MN1: variants seen among roughly 807,000 people sequenced by gnomAD.
MN1 encodes the protein MN1 proto-oncogene, transcriptional regulator, also known as transcriptional activator MN1.
A neutral mutation model predicts 86.9 loss-of-function variants in MN1; 19 were observed. That is an observed-to-expected ratio of 0.22 (90% CI 0.15 to 0.32). The LOEUF is 0.32. MN1 is among the 10% of genes least tolerant of loss of function. The probability of loss-of-function intolerance (pLI) is 1.00; values close to 1 mark genes in which losing one functional copy is unlikely to be tolerated. For synonymous variants in MN1, 928 were observed against 849.6 expected (o/e 1.09, Z -1.60); for missense variants, 1,841 against 1,862.0 (o/e 0.99, Z 0.21).
intron 1 of MN1, among the ~76,000 whole-genome samples, chr22:27,773,946 G>A (rs1484143510): frequency 6.6e-6 from 1 of 152,068 alleles, no homozygotes; most frequent in African/African-American, 2.4e-5. Context: ...GAGCCACCGC[G>A]CCCGGCCTTG....
chr22:27,798,559 C>T lies in MN1; in HGVS notation c.1985G>A (p.Ser662Asn). The change falls in exon 1 of 2, where the codon AGC (serine) becomes AAC (asparagine). Residue 662 changes from serine to asparagine, a missense_variant. Transcript: ENST00000302326. Reference sequence around the variant, plus strand: ...ACCAGGCGGAGGAGGGGGCGCCAGGCTGGGGTCGTGCGGGCCACAGTCAGC... The same window carrying T: ...ACCAGGCGGAGGAGGGGGCGCCAGGTTGGGGTCGTGCGGGCCACAGTCAGC... ...LPADCGPHDPSLAPPPPPGGS... is the reference protein window; with the variant it reads ...LPADCGPHDPNLAPPPPPGGS... 6.5e-7 allele frequency: 1 copy of T among 1,528,494 alleles called. No homozygotes were observed. Among genetic ancestry groups the T allele is most frequent in the Non-Finnish European group, 8.7e-7 (1 of 1,147,824 alleles). The allele number at this position is 1,528,494 out of a possible 1,614,324, so 94.7% of individuals were successfully genotyped here.
intron 1 of MN1, among the ~76,000 whole-genome samples, chr22:27,793,885 A>G (rs1015818573): frequency 2.0e-5 from 3 of 152,244 alleles, no homozygotes; most frequent in Non-Finnish European, 4.4e-5. Flanking sequence ...ATTGGAGCGA[A>G]GAATTTCAGA....
In MN1 at chr22:27,799,386, C is replaced by T. The variant is rs1259652005; in HGVS notation, c.1158G>A (p.Ala386=). The T allele has an allele frequency of 3.9e-6, 6 of 1,529,556 alleles. No homozygotes were observed. In the African/African-American group the frequency reaches 5.5e-5, roughly 14 times the overall value. The allele number at this position is 1,529,556 out of a possible 1,614,324, so 94.7% of individuals were successfully genotyped here. The change falls in exon 1 of 2, where the codon GCG becomes GCA. Residue 386 remains alanine (A), a synonymous_variant. Coordinates refer to ENST00000302326, the MANE Select transcript of MN1 (RefSeq NM_002430.3). ...CCTGCAGGCCGCCGCTGGGCGTGCC[C>T]GCCTCGCCCTGCTGGGGCCGAGGGA... is the stretch of plus-strand genomic sequence containing the variant. ...PALPRPQQGE[A]GTPSGGLQDG... is the part of the protein sequence containing the mutation.
chr22:27,799,556 A>G lies in MN1; in HGVS notation c.988T>C (p.Ser330Pro). Residue 330 changes from serine (S) to proline (P), a missense_variant, in exon 1 of 2, where the codon TCA becomes CCA. Transcript: ENST00000302326. ...ARKMPVGLEP[S>P]VGSRHPLMQP... is the part of the protein sequence containing the mutation. Reference sequence around the variant, plus strand: ...ATTAACGGGTGCCTGGAGCCCACTGAGGGCTCCAGACCCACAGGCATCTTT... The same window carrying G: ...ATTAACGGGTGCCTGGAGCCCACTGGGGGCTCCAGACCCACAGGCATCTTT... 1 of 1,469,850 alleles carries G rather than the reference A, an allele frequency of 6.8e-7. No homozygotes were observed. The highest frequency in any genetic ancestry group is 9.0e-7 in the Non-Finnish European group (1 of 1,108,858). The allele number at this position is 1,469,850 out of a possible 1,614,324, so 91.1% of individuals were successfully genotyped here. A position where few individuals can be genotyped will look rare whatever the true frequency, so the allele number is the denominator to read the frequency against.
At chr22:27,777,625 A>G (rs1932996311) in intron 1 of MN1, among the ~76,000 whole-genome samples, 1 of 151,942 alleles carries the variant, frequency 6.6e-6, no homozygotes, top group Non-Finnish European at 1.5e-5. Context: ...TTGGAAGGCC[A>G]AGGTGGGCAG....
At chr22:27,757,323 C>G (rs1278245869) in intron 1 of MN1, among the ~76,000 whole-genome samples, 1 of 152,236 alleles carries the variant, frequency 6.6e-6, no homozygotes, top group African/African-American at 2.4e-5. Context: ...GCGTGAGCCA[C>G]CGCACCCGGC....
intron 1 of MN1, among the ~76,000 whole-genome samples, chr22:27,788,836 G>A (rs932462219): frequency 2.6e-5 from 4 of 152,200 alleles, no homozygotes; most frequent in South Asian, 4.1e-4. Context: ...CAACTTTGAC[G>A]CAGAGAGATT....
chr22:27,790,553 C>A (rs1288244635), intron 1 of MN1, among the ~76,000 whole-genome samples: 1 of 152,230 alleles, frequency 6.6e-6, no homozygotes, highest in Non-Finnish European at 1.5e-5. Flanking sequence ...AGGGTCCCTG[C>A]AGGCAGGACC....
chr22:27,778,762 T>C (rs1019106495), intron 1 of MN1, among the ~76,000 whole-genome samples: 3 of 152,210 alleles, frequency 2.0e-5, no homozygotes, highest in Non-Finnish European at 2.9e-5. Context: ...AGGTGACTAA[T>C]GGAGGAAATG....
chr22:27,776,677 A>G (rs1461289395), intron 1 of MN1, among the ~76,000 whole-genome samples: 5 of 150,148 alleles, frequency 3.3e-5, no homozygotes, highest in Admixed American at 6.6e-5. Flanking sequence ...TTCCTCCCCT[A>G]GCCCCATCTC....
chr22:27,799,906 T>C lies in MN1; in HGVS notation c.638A>G (p.Asp213Gly). Reference protein sequence around the residue: ...FHGLPSSSGSDSHSLEPRRVT... With the variant: ...FHGLPSSSGSGSHSLEPRRVT... ...CCTCCGTGGCTCCAGACTGTGGGAA[T>C]CGGAGCCGCTGGAGGACGGCAGGCC... is the stretch of plus-strand genomic sequence containing the variant. The change falls in exon 1 of 2, where the codon GAT (aspartate) becomes GGT (glycine). Residue 213 changes from aspartate to glycine, a missense_variant. Physicochemically the swap from Asp to Gly is moderately conservative, Grantham distance 94. Transcript: ENST00000302326. 1 of 1,601,766 alleles carries C rather than the reference T, an allele frequency of 6.2e-7. No individual in the cohort carries two copies. The highest frequency in any genetic ancestry group is 8.5e-7 in the Non-Finnish European group (1 of 1,175,328).
In MN1 at chr22:27,775,162, T is replaced by C. The variant is rs756479233; in HGVS notation, c.3781+21601A>G. 1.3e-3 allele frequency among the ~76,000 whole-genome samples: 198 copies of C among 152,316 alleles called. 3 individuals carry two copies. Among genetic ancestry groups the C allele is most frequent in the Non-Finnish European group, 2.2e-4 (15 of 68,026 alleles). On this transcript the variant is annotated intron_variant, in intron 1 of 1. Transcript: ENST00000302326. ...TACCTCGCCCTCCTCATCTATAAAA[T>C]GGGTCCACAGCGGTAGCTGCTTCAC...
intron 1 of MN1, among the ~76,000 whole-genome samples, chr22:27,754,021 C>T (rs550541655): frequency 3.3e-5 from 5 of 152,214 alleles, no homozygotes; most frequent in Admixed American, 1.3e-4. Flanking sequence ...AAGGAATGAA[C>T]GTAGCAATGC....
At chr22:27,790,600 G>A (rs965910366) in intron 1 of MN1, among the ~76,000 whole-genome samples, 3 of 151,496 alleles carry the variant, frequency 2.0e-5, no homozygotes, top group South Asian at 2.1e-4. Context: ...TCTCCGCCAC[G>A]TCGTTGGTAC....
intron 1 of MN1, among the ~76,000 whole-genome samples, chr22:27,758,001 T>A (rs539738802): frequency 6.6e-6 from 1 of 151,974 alleles, no homozygotes; most frequent in Admixed American, 6.5e-5. Flanking sequence ...CTGGCCCACA[T>A]ACCAACCATC....
chr22:27,779,713 T>C (rs932829281), intron 1 of MN1, among the ~76,000 whole-genome samples: 1 of 152,000 alleles, frequency 6.6e-6, no homozygotes, highest in Admixed American at 6.5e-5. Flanking sequence ...ACTCAGGGAG[T>C]TGGGCAGGAA....
In MN1 at chr22:27,797,741, C is replaced by T. The variant is rs1425710106; in HGVS notation, c.2803G>A (p.Val935Ile). The T allele has an allele frequency of 6.2e-7, 1 of 1,609,286 alleles. No individual in the cohort carries two copies. Among genetic ancestry groups the T allele is most frequent in the Non-Finnish European group, 8.5e-7 (1 of 1,178,736 alleles). ...CGTCCCCGGCCGCCGCCCCCGGAGACCGGCTTGCCGTCATTCCCCGACGTG... is the reference window on the plus strand; with the variant it reads ...CGTCCCCGGCCGCCGCCCCCGGAGATCGGCTTGCCGTCATTCCCCGACGTG... ...ESTSGNDGKP[V>I]SGGGGRGRGR... is the part of the protein sequence containing the mutation. Residue 935 changes from valine (V) to isoleucine (I), a missense_variant, in exon 1 of 2, where the codon GTC becomes ATC. By Grantham distance (29) the Val-to-Ile change is conservative. Coordinates refer to ENST00000302326, the MANE Select transcript of MN1 (RefSeq NM_002430.3).
rs181723816 is a variant in MN1, at chr22:27,784,561, G to C, written c.3781+12202C>G. Among the ~76,000 whole-genome samples the C allele has an allele frequency of 2.0e-4, 30 of 152,302 alleles. No homozygotes were observed. The East Asian group carries it at 5.6e-3, about 28-fold the overall frequency. On this transcript the variant is annotated intron_variant, in intron 1 of 1. Transcript: ENST00000302326. Reference sequence around the variant, plus strand: ...AAAATGAAACATGCTCTTGTTTGGGGAAAGAATTTCATTAGGGGGAAAATA... The same window carrying C: ...AAAATGAAACATGCTCTTGTTTGGGCAAAGAATTTCATTAGGGGGAAAATA...
In MN1 at chr22:27,797,403, G is replaced by T. The variant is rs750757950; in HGVS notation, c.3141C>A (p.Asp1047Glu). The T allele has an allele frequency of 2.5e-5, 40 of 1,611,768 alleles. No individual in the cohort carries two copies. The South Asian group carries it at 3.6e-4, about 15-fold the overall frequency. Reference protein sequence around the residue: ...SSPNVGEFASDEVSTSYANED... With the variant: ...SSPNVGEFASEEVSTSYANED... ...CATTGGCGTAGCTCGTGCTCACCTC[G>T]TCCGAGGCGAACTCACCCACGTTTG... Residue 1047 changes from aspartate to glutamate, a missense_variant, in exon 1 of 2, where the codon GAC (aspartate) becomes GAA (glutamate). Physicochemically the swap from Asp to Glu is conservative, Grantham distance 45 (BLOSUM62 2). Coordinates refer to ENST00000302326, the MANE Select transcript of MN1 (RefSeq NM_002430.3).
Sources: gnomAD v4.1 joint callset for allele counts (sites outside exome capture counted in the v4.1 genomes callset) on GRCh38, gnomAD v4.1.1 for gene constraint, MANE v1.5 for transcripts, NCBI Gene and HGNC (gene_info 2026-07-23, HGNC 2026-07-21) for gene names.